Variants in U2AF2 observed in about 807,000 individuals in gnomAD.
U2AF2 encodes U2 small nuclear RNA auxiliary factor 2.
U2AF2 carries 6 observed loss-of-function variants against 52.6 expected under a neutral mutation model. The ratio of observed to expected loss-of-function variants is 0.11; its 90% confidence interval spans 0.06 to 0.23. U2AF2 has a LOEUF of 0.23. Among genes scored for constraint, U2AF2 ranks in the 10% least tolerant of loss-of-function variants. The probability of loss-of-function intolerance (pLI) is 1.00; values close to 1 mark genes in which losing one functional copy is unlikely to be tolerated. For synonymous variants in U2AF2, 284 were observed against 258.2 expected (o/e 1.10, Z -0.96); for missense variants, 222 against 677.1 (o/e 0.33, Z 7.46).
intron 11 of U2AF2, among the ~76,000 whole-genome samples, chr19:55,671,032 TG>T (rs1277495729): frequency 6.6e-5 from 10 of 152,062 alleles, no homozygotes; most frequent in Admixed American, 2.6e-4. Flanking sequence ...AGATCGGGCG[TG>T]GGGGCCTTCT....
Position 55,668,941 on chromosome 19 carries a change from C to T in U2AF2, c.946-142C>T, listed in dbSNP as rs630491. On this transcript the variant is annotated intron_variant, in intron 9 of 11. Transcript: ENST00000308924. The surrounding 1 kb of genome is among the most constrained non-coding windows in gnomAD (Gnocchi z 5.5). ...GTGTGGGCTCGTCCCTGTCCCATGG[C>T]GTTGGCTTTTTCCAGGCTCTTAATC... 1,454,906 of 1,489,050 alleles carry T rather than the reference C, an allele frequency of 0.98. 710,829 individuals are homozygous for T. The highest frequency in any genetic ancestry group is 1 in the East Asian group (43,126 of 43,292). The allele number at this position is 1,489,050 out of a possible 1,614,324, so 92.2% of individuals were successfully genotyped here. A position where few individuals can be genotyped will look rare whatever the true frequency, so the allele number is the denominator to read the frequency against.
intron 1 of U2AF2, among the ~76,000 whole-genome samples, chr19:55,657,397 G>T (rs970122329): frequency 6.6e-6 from 1 of 152,204 alleles, no homozygotes; most frequent in African/African-American, 2.4e-5. Context: ...TTCTGTACGT[G>T]TCGCCTTCTG....
chr19:55,672,490 A>G (rs1984983454), intron 11 of U2AF2, among the ~76,000 whole-genome samples: 1 of 152,218 alleles, frequency 6.6e-6, no homozygotes, highest in Non-Finnish European at 1.5e-5. Flanking sequence ...ATTGAGATGT[A>G]TCCCCAGCCT....
In U2AF2 at chr19:55,668,069, C is replaced by A. The variant is rs556310116; in HGVS notation, c.743-438C>A. Among the ~76,000 whole-genome samples the A allele has an allele frequency of 8.1e-4, 123 of 152,058 alleles. No homozygotes were observed. The highest frequency in any genetic ancestry group is 2.5e-3 in the African/African-American group (105 of 41,474). ...AGTGCTGAGATTACAGGCGTGAGCC[C>A]CCGCGCCCGGCCGGGACTGAGCTTT... On this transcript the variant is annotated intron_variant, in intron 7 of 11. Transcript: ENST00000308924. The surrounding 1 kb of genome is among the most constrained non-coding windows in gnomAD (Gnocchi z 5.5).
chr19:55,674,026 A>C lies in U2AF2; in HGVS notation c.1386A>C (p.Lys462Asn), dbSNP rs150116395. 6.3e-7 allele frequency: 1 copy of C among 1,597,898 alleles called. No homozygotes were observed. The highest frequency in any genetic ancestry group is 8.5e-7 in the Non-Finnish European group (1 of 1,169,686). ...TCGCCAACAGAGTGGTTGTCACAAAATACTGTGACCCCGACTCTTATCACC... is the reference window on the plus strand; with the variant it reads ...TCGCCAACAGAGTGGTTGTCACAAACTACTGTGACCCCGACTCTTATCACC... ...RKFANRVVVT[K>N]YCDPDSYHRR... The change falls in exon 12 of 12, where the codon AAA becomes AAC. Residue 462 changes from lysine to asparagine, a missense_variant. Physicochemically the swap from Lys to Asn is moderately conservative, Grantham distance 94 (BLOSUM62 0). This residue lies in a region of U2AF2 where 71 missense variants were observed against 180.6 expected (regional missense o/e 0.39). Coordinates refer to ENST00000308924, the MANE Select transcript of U2AF2 (RefSeq NM_007279.3).
chr19:55,673,517 A>G (rs1262585929), intron 11 of U2AF2, among the ~76,000 whole-genome samples: 1 of 152,066 alleles, frequency 6.6e-6, no homozygotes, highest in Non-Finnish European at 1.5e-5. Context: ...TTTGAATCCT[A>G]ATTTCTGAGC....
chr19:55,660,239 C>T lies in U2AF2; in HGVS notation c.230+18C>T, dbSNP rs1984086046. 4 of 1,610,948 alleles carry T rather than the reference C, an allele frequency of 2.5e-6. No homozygotes were observed. The highest frequency in any genetic ancestry group is 2.5e-6 in the Non-Finnish European group (3 of 1,178,358). ...GGACTGATGTGAGCTTCTCTTCCTG[C>T]CCCTTCCTCCCTGATGTCCACTCCC... On this transcript the variant is annotated intron_variant, in intron 3 of 11. Coordinates refer to ENST00000308924, the MANE Select transcript of U2AF2 (RefSeq NM_007279.3).
At chr19:55,661,224 G>A (rs1267760845) in intron 5 of U2AF2, 35 bp downstream of exon 5, 4 of 1,508,876 alleles carry the variant, frequency 2.7e-6, no homozygotes, top group Non-Finnish European at 3.6e-6. Context: ...CCTCTCCCTT[G>A]TCCCTCTACC....
intron 7 of U2AF2, among the ~76,000 whole-genome samples, chr19:55,667,062 C>T (rs901777718): frequency 1.3e-5 from 2 of 152,288 alleles, no homozygotes; most frequent in African/African-American, 2.4e-5. Context: ...TGCTACTTGT[C>T]CCTGTAGCAT....
At position 55,668,927 on chromosome 19, in the gene U2AF2, T is replaced by A; in HGVS notation, c.945+135T>A. The A allele has an allele frequency of 6.6e-7, 1 of 1,510,234 alleles. No individual in the cohort carries two copies. Among genetic ancestry groups the A allele is most frequent in the Non-Finnish European group, 8.9e-7 (1 of 1,121,680 alleles). 93.6% of individuals were successfully genotyped at this position (1,510,234 alleles called of 1,614,324 possible). On this transcript the variant is annotated intron_variant, in intron 9 of 11. Coordinates refer to ENST00000308924, the MANE Select transcript of U2AF2 (RefSeq NM_007279.3). The surrounding 1 kb of genome is among the most constrained non-coding windows in gnomAD (Gnocchi z 5.5). ...AGGCAGTGCCCTGTGTGTGGGCTCG[T>A]CCCTGTCCCATGGCGTTGGCTTTTT...
chr19:55,659,435 T>C, intron 2 of U2AF2, 90 bp downstream of exon 2: 1 of 1,373,080 alleles, frequency 7.3e-7, no homozygotes. Flanking sequence ...TGTCTGTGTC[T>C]GGGTCCGGGC....
At chr19:55,655,697 C>G (rs1434221717) in intron 1 of U2AF2, among the ~76,000 whole-genome samples, 2 of 152,218 alleles carry the variant, frequency 1.3e-5, no homozygotes, top group Non-Finnish European at 2.9e-5. Flanking sequence ...GCCACGGGCC[C>G]CTCGCGTACC....
intron 1 of U2AF2, among the ~76,000 whole-genome samples, chr19:55,657,012 T>C (rs1983837569): frequency 6.6e-6 from 1 of 152,216 alleles, no homozygotes; most frequent in African/African-American, 2.4e-5. Flanking sequence ...GCTAAGTTGC[T>C]TTTGCATGGT....
intron 7 of U2AF2, among the ~76,000 whole-genome samples, chr19:55,666,689 C>T (rs945637746): frequency 1.3e-5 from 2 of 152,230 alleles, no homozygotes; most frequent in Non-Finnish European, 2.9e-5. Flanking sequence ...CTTGGAGGCT[C>T]ATATGGTACA....
At position 55,668,991 on chromosome 19, in the gene U2AF2, A is replaced by G; in HGVS notation, c.946-92A>G. The G allele has an allele frequency of 4.6e-6, 7 of 1,506,074 alleles. No homozygotes were observed. The highest frequency in any genetic ancestry group is 5.4e-6 in the Non-Finnish European group (6 of 1,110,478). The allele number at this position is 1,506,074 out of a possible 1,614,324, so 93.3% of individuals were successfully genotyped here. A position where few individuals can be genotyped will look rare whatever the true frequency, so the allele number is the denominator to read the frequency against. ...CCCCTTTGCCTTCCCCTCTTCCCCCACCAATGCCCCGGCTTGGGGGTAGGT... is the reference window on the plus strand; with the variant it reads ...CCCCTTTGCCTTCCCCTCTTCCCCCGCCAATGCCCCGGCTTGGGGGTAGGT... On this transcript the variant is annotated intron_variant, in intron 9 of 11. Coordinates refer to ENST00000308924, the MANE Select transcript of U2AF2 (RefSeq NM_007279.3). This position sits in a 1 kb window ranked among gnomAD's most constrained non-coding sequence, Gnocchi z 5.5.
intron 11 of U2AF2, 106 bp from the exon 12 acceptor site, chr19:55,673,828 C>A: frequency 6.8e-7 from 1 of 1,476,862 alleles, no homozygotes; most frequent in African/African-American, 1.4e-5. Context: ...GTGGCGAAGC[C>A]CCCTCCTCCC....
chr19:55,669,841 G>A (rs1024864260), intron 11 of U2AF2, 149 bp downstream of exon 11: 9 of 1,255,196 alleles, frequency 7.2e-6, no homozygotes, highest in Admixed American at 2.8e-5. Flanking sequence ...CAGCGCGTGC[G>A]TATAGGTGTA....
intron 1 of U2AF2, among the ~76,000 whole-genome samples, chr19:55,655,426 G>A (rs1983720030): frequency 6.6e-6 from 1 of 152,224 alleles, no homozygotes; most frequent in Admixed American, 6.5e-5. Flanking sequence ...TGGCGCGGGG[G>A]ACGCGGCACG....
Position 55,668,874 on chromosome 19 carries a change from G to GGGGAC in U2AF2, c.945+86_945+90dup. 6.4e-7 allele frequency: 1 copy of GGGGAC among 1,557,344 alleles called. No homozygotes were observed. The stretch of plus-strand genomic sequence containing the variant: ...GCCAAGCCATGGTCTCCCCTCCTCA[G>GGGGAC]GGGACGGGGCGGGAGGCGGCCAACC... On this transcript the variant is annotated intron_variant, in intron 9 of 11. Coordinates refer to ENST00000308924, the MANE Select transcript of U2AF2 (RefSeq NM_007279.3). This position sits in a 1 kb window ranked among gnomAD's most constrained non-coding sequence, Gnocchi z 5.5.
Sources: allele counts gnomAD v4.1 joint callset (sites outside exome capture counted in the v4.1 genomes callset), GRCh38; gene constraint gnomAD v4.1.1; regional missense constraint gnomAD v4.1.1; non-coding constraint Gnocchi (gnomAD v3.1); transcripts MANE v1.5; gene names NCBI Gene and HGNC (gene_info 2026-07-23, HGNC 2026-07-21).